The following PUDP variants were observed in gnomAD, a reference collection of about 807,000 sequenced individuals.
The protein encoded by PUDP is pseudouridine 5'-phosphatase.
Under a neutral mutation model 9.4 loss-of-function variants are expected in PUDP, and 8 were observed. That is an observed-to-expected ratio of 0.85 (90% confidence interval 0.50 to 1.53). PUDP has a LOEUF of 1.53. Among genes scored for constraint, PUDP ranks in the 40% most tolerant of loss-of-function variants. The probability of loss-of-function intolerance (pLI) is 0.00; values close to 1 mark genes in which losing one functional copy is unlikely to be tolerated. For synonymous variants in PUDP, 99 were observed against 80.7 expected (o/e 1.23, Z -1.22); for missense variants, 188 against 189.7 (o/e 0.99, Z 0.05).
intron 1 of PUDP, among the ~76,000 whole-genome samples, chrX:7,012,632 A>C (rs1214925188): frequency 9.0e-6 from 1 of 111,302 alleles, no homozygotes; most frequent in Non-Finnish European, 1.9e-5. Flanking sequence ...AACCTGCAGA[A>C]GCACATCAGT....
chrX:6,878,254 T>A (rs1319524713), intron 3 of PUDP, among the ~76,000 whole-genome samples: 5 of 109,018 alleles, frequency 4.6e-5, no homozygotes, highest in Non-Finnish European at 7.6e-5. Flanking sequence ...AGAATAAATA[T>A]TAGGTTTCTC....
At chrX:6,798,946 CA>C (rs1414580498) in intron 3 of PUDP, among the ~76,000 whole-genome samples, 3 of 111,272 alleles carry the variant, frequency 2.7e-5, no homozygotes, top group Non-Finnish European at 5.7e-5. Context: ...CCACCATGAC[CA>C]GCTAATATTT....
intron 3 of PUDP, among the ~76,000 whole-genome samples, chrX:6,781,406 T>C (rs1462121156): frequency 5.4e-5 from 6 of 111,908 alleles, no homozygotes; most frequent in Non-Finnish European, 1.1e-4. Flanking sequence ...ACATGATGAC[T>C]TCTTGGGATA....
intron 3 of PUDP, among the ~76,000 whole-genome samples, chrX:6,860,861 C>T (rs755129735): frequency 1.8e-5 from 2 of 112,255 alleles, no homozygotes; most frequent in Non-Finnish European, 3.8e-5. Flanking sequence ...AATGACATAT[C>T]ATGATTTTAA....
At chrX:6,752,744 T>C (rs1925116713) in intron 3 of PUDP, among the ~76,000 whole-genome samples, 1 of 110,770 alleles carries the variant, frequency 9.0e-6, no homozygotes, top group Non-Finnish European at 1.9e-5. Flanking sequence ...TGCCATTTAC[T>C]GAGATAAGAA....
At chrX:6,939,244 A>C (rs1928361119) in intron 3 of PUDP, among the ~76,000 whole-genome samples, 1 of 109,218 alleles carries the variant, frequency 9.2e-6, no homozygotes, top group Admixed American at 9.9e-5. Flanking sequence ...AAAAACCATA[A>C]AACCATAGCA....
chrX:6,944,414 T>G (rs1285797704), intron 3 of PUDP, among the ~76,000 whole-genome samples: 1 of 111,363 alleles, frequency 9.0e-6, no homozygotes, highest in Non-Finnish European at 1.9e-5. Context: ...CATGGAATGA[T>G]TCCACATTAT....
intron 1 of PUDP, among the ~76,000 whole-genome samples, chrX:7,023,719 C>A (rs761094082): frequency 2.7e-5 from 3 of 111,720 alleles, no homozygotes; most frequent in Admixed American, 9.5e-5. Context: ...ATCTTTATGC[C>A]AATACCACAC....
At chrX:6,869,321 T>TACACTCATGTTCATAGCAGCA in intron 3 of PUDP, among the ~76,000 whole-genome samples, 2 of 112,128 alleles carry the variant, frequency 1.8e-5, no homozygotes, top group Non-Finnish European at 3.8e-5. Context: ...CTCCATGATG[T>TACACTCATGTTCATAGCAGCA]CTACGGCCTC....
At chrX:6,766,235 G>A (rs1925284104) in intron 3 of PUDP, among the ~76,000 whole-genome samples, 1 of 111,898 alleles carries the variant, frequency 8.9e-6, no homozygotes, top group Admixed American at 9.5e-5. Context: ...AGAACAAATG[G>A]TTTAAAGAAG....
At chrX:6,998,234 T>C (rs1026067097) in intron 1 of PUDP, among the ~76,000 whole-genome samples, 1 of 110,956 alleles carries the variant, frequency 9.0e-6, no homozygotes, top group African/African-American at 3.3e-5. Context: ...AGCTGCCAAT[T>C]TGGGGAAGCT....
downstream of PUDP, among the ~76,000 whole-genome samples, chrX:7,044,606 C>A (rs1033130566): frequency 8.9e-6 from 1 of 112,016 alleles, no homozygotes; most frequent in Non-Finnish European, 1.9e-5. Flanking sequence ...TTTCCTCAGA[C>A]TTGGGGATAT....
At chrX:7,100,839 T>C (rs1298866244) in intron 2 of PUDP, among the ~76,000 whole-genome samples, 5 of 112,243 alleles carry the variant, frequency 4.5e-5, no homozygotes, top group African/African-American at 1.6e-4. Flanking sequence ...CATTTCTGGA[T>C]TGGAATTAGG....
intron 3 of PUDP, among the ~76,000 whole-genome samples, chrX:6,741,767 G>C (rs1364309546): frequency 2.7e-5 from 3 of 110,269 alleles, no homozygotes; most frequent in Non-Finnish European, 5.7e-5. Flanking sequence ...CCTCAAAGTA[G>C]AATACTACAT....
intron 3 of PUDP, among the ~76,000 whole-genome samples, chrX:6,732,902 C>G (rs1208650145): frequency 8.9e-6 from 1 of 111,947 alleles, no homozygotes; most frequent in African/African-American, 3.3e-5. Flanking sequence ...TAGTGGTCCA[C>G]AGCCAGGAAA....
chrX:6,709,625 C>G (rs1445075806), intron 1 of PUDP, among the ~76,000 whole-genome samples: 3 of 111,912 alleles, frequency 2.7e-5, no homozygotes, highest in Non-Finnish European at 5.6e-5. Context: ...CTTGGACATT[C>G]GACAAAAGTT....
At chrX:7,117,077 A>T in intron 1 of PUDP, 1 of 1,161,289 alleles carries the variant, frequency 8.6e-7, no homozygotes, top group Non-Finnish European at 1.1e-6. Flanking sequence ...CTTCTAAATT[A>T]TCTAGACTCA....
chrX:6,991,862 G>GA (rs749680155), intron 1 of PUDP, among the ~76,000 whole-genome samples: 2 of 109,206 alleles, frequency 1.8e-5, no homozygotes, highest in African/African-American at 3.3e-5. Context: ...AGAAAAACAG[G>GA]AAAAAAAAGA....
chrX:6,807,978 G>A (rs905620563), intron 3 of PUDP, among the ~76,000 whole-genome samples: 8 of 111,724 alleles, frequency 7.2e-5, no homozygotes, highest in African/African-American at 2.3e-4. Flanking sequence ...CAAAATGAGG[G>A]TACCAGTTCC....
Sources: allele counts gnomAD v4.1 joint callset (sites outside exome capture counted in the v4.1 genomes callset), GRCh38; gene constraint gnomAD v4.1.1; transcripts MANE v1.5; gene names NCBI Gene and HGNC (gene_info 2026-07-23, HGNC 2026-07-21).